NR3C2: variants seen among roughly 807,000 people sequenced by gnomAD.
NR3C2 encodes the protein mineralocorticoid receptor.
NR3C2 carries 15 observed loss-of-function variants against 86.4 expected under a neutral mutation model. That is an observed-to-expected ratio of 0.17 (90% CI 0.12 to 0.27). The LOEUF is 0.27. Ranked by LOEUF, NR3C2 falls within the 10% of genes least tolerant of loss-of-function variation. The probability of loss-of-function intolerance (pLI) is 1.00; values close to 1 mark genes in which losing one functional copy is unlikely to be tolerated. For synonymous variants in NR3C2, 458 were observed against 450.5 expected, an observed-to-expected ratio of 1.02 and a Z score of -0.21; for missense variants, 960 against 1,195.6, an observed-to-expected ratio of 0.80 and a Z score of 2.91.
At chr4:148,340,826 A>G (rs955424806) in intron 2 of NR3C2, among the ~76,000 whole-genome samples, 2 of 152,168 alleles carry the variant, frequency 1.3e-5, no homozygotes, top group African/African-American at 4.8e-5. Context: ...TTGAACAGAC[A>G]TTCCTCAGGA....
chr4:148,299,372 G>C (rs111227348), intron 2 of NR3C2, among the ~76,000 whole-genome samples: 1 of 152,032 alleles, frequency 6.6e-6, no homozygotes. Flanking sequence ...CAACCCTGTC[G>C]CTCTGGGGGG....
At chr4:148,154,388 C>T (rs1041429036) in intron 5 of NR3C2, among the ~76,000 whole-genome samples, 163 bp downstream of exon 5, 1 of 152,146 alleles carries the variant, frequency 6.6e-6, no homozygotes, top group African/African-American at 2.4e-5. Context: ...GCACATTAAC[C>T]ATATTTTTCC....
intron 8 of NR3C2, among the ~76,000 whole-genome samples, chr4:148,097,751 GTTTT>G (rs553156519): frequency 7.8e-5 from 8 of 102,908 alleles, no homozygotes; most frequent in Non-Finnish European, 1.3e-4. Context: ...GTTTTTTTTT[GTTTT>G]TTTTTTTTTT....
intron 4 of NR3C2, among the ~76,000 whole-genome samples, chr4:148,178,895 A>G (rs544036286): frequency 6.6e-6 from 1 of 150,796 alleles, no homozygotes; most frequent in South Asian, 2.2e-4. Flanking sequence ...ATGTTAGGAC[A>G]AAGAGAGGTA....
chr4:148,082,104 T>A (rs1730590289), intron 8 of NR3C2, among the ~76,000 whole-genome samples: 1 of 152,236 alleles, frequency 6.6e-6, no homozygotes, highest in African/African-American at 2.4e-5. Flanking sequence ...GACCTGAGAC[T>A]CTTCAGCTAC....
intron 4 of NR3C2, among the ~76,000 whole-genome samples, chr4:148,178,625 C>T (rs1427846599): frequency 1.3e-5 from 2 of 151,412 alleles, no homozygotes; most frequent in Admixed American, 6.6e-5. Context: ...AAGGTTCTCC[C>T]GCTTTCTACC....
intron 2 of NR3C2, among the ~76,000 whole-genome samples, chr4:148,268,626 T>C (rs1009151634): frequency 1.3e-5 from 2 of 152,122 alleles, no homozygotes; most frequent in Non-Finnish European, 2.9e-5. Context: ...TGGTGCAAGA[T>C]AAAATTGGAG....
intron 2 of NR3C2, among the ~76,000 whole-genome samples, chr4:148,362,931 C>A (rs548177388): frequency 6.6e-6 from 1 of 152,312 alleles, no homozygotes; most frequent in African/African-American, 2.4e-5. Context: ...CGTTCAAACA[C>A]TTTTCATTTA....
intron 4 of NR3C2, among the ~76,000 whole-genome samples, chr4:148,164,076 T>G (rs1734780488): frequency 6.6e-6 from 1 of 152,234 alleles, no homozygotes; most frequent in South Asian, 2.1e-4. Context: ...GAGATTAGTC[T>G]TTTAAATAGG....
intron 3 of NR3C2, among the ~76,000 whole-genome samples, chr4:148,237,687 G>A (rs1284597461): frequency 6.9e-5 from 9 of 131,364 alleles, no homozygotes; most frequent in African/African-American, 2.7e-4. Context: ...TTTTTTTTTT[G>A]GAAGCCAAAA....
intron 6 of NR3C2, among the ~76,000 whole-genome samples, chr4:148,126,759 CT>C (rs1308098573): frequency 2.0e-5 from 3 of 152,214 alleles, no homozygotes; most frequent in Non-Finnish European, 4.4e-5. Flanking sequence ...TAAATAACCT[CT>C]ACAGTCTCCA....
At chr4:148,234,662 G>A (rs140563994) in intron 3 of NR3C2, among the ~76,000 whole-genome samples, 1,796 of 147,408 alleles carry the variant, frequency 0.012, 48 homozygotes, top group African/African-American at 0.043. Context: ...CAACCTGGGC[G>A]ACACAGTGAG....
chr4:148,176,325 T>G (rs1271726705), intron 4 of NR3C2, among the ~76,000 whole-genome samples: 8 of 152,224 alleles, frequency 5.3e-5, no homozygotes, highest in African/African-American at 1.9e-4. Flanking sequence ...TGAGGTGGTC[T>G]GCAGGTAGGA....
At chr4:148,081,524 G>A in intron 8 of NR3C2, 25 bp from the exon 9 acceptor site, 4 of 1,613,818 alleles carry the variant, frequency 2.5e-6, no homozygotes, top group Non-Finnish European at 3.4e-6. Context: ...CAGGGGGCAT[G>A]ACACGGGGGC....
At chr4:148,408,698 G>A (rs1158762497) in intron 2 of NR3C2, among the ~76,000 whole-genome samples, 1 of 152,040 alleles carries the variant, frequency 6.6e-6, no homozygotes, top group African/African-American at 2.4e-5. Flanking sequence ...AAAACAGACA[G>A]TAGAAAACAG....
intron 3 of NR3C2, among the ~76,000 whole-genome samples, chr4:148,199,464 C>CT (rs911943043): frequency 2.9e-4 from 44 of 151,986 alleles, no homozygotes; most frequent in Middle Eastern, 3.4e-3. Flanking sequence ...CTCGCTATCT[C>CT]TTTTTTTTAA....
chr4:148,261,252 C>G (rs1740086967), intron 2 of NR3C2, among the ~76,000 whole-genome samples: 1 of 150,754 alleles, frequency 6.6e-6, no homozygotes, highest in Non-Finnish European at 1.5e-5. Flanking sequence ...CTATGGTGCA[C>G]TATGGTCAGC....
At chr4:148,307,386 ACAG>A (rs1742682378) in intron 2 of NR3C2, among the ~76,000 whole-genome samples, 1 of 152,202 alleles carries the variant, frequency 6.6e-6, no homozygotes, top group South Asian at 2.1e-4. Flanking sequence ...AGGATTTTCA[ACAG>A]AATCATAAGT....
intron 3 of NR3C2, among the ~76,000 whole-genome samples, chr4:148,215,618 C>T (rs1224926317): frequency 6.6e-6 from 1 of 152,148 alleles, no homozygotes; most frequent in Non-Finnish European, 1.5e-5. Context: ...TGGAAAGTAA[C>T]ACTGGCACCA....
Sources: allele counts gnomAD v4.1 joint callset (sites outside exome capture counted in the v4.1 genomes callset), GRCh38; gene constraint gnomAD v4.1.1; transcripts MANE v1.5; gene names NCBI Gene and HGNC (gene_info 2026-07-23, HGNC 2026-07-21).